KPNA1: variants seen among roughly 807,000 people sequenced by gnomAD.
KPNA1 encodes karyopherin subunit alpha 1.
KPNA1 carries 10 observed loss-of-function variants against 70.5 expected under a neutral mutation model. That is an observed-to-expected ratio of 0.14 (90% confidence interval 0.09 to 0.24). The LOEUF is 0.24. KPNA1 is among the 10% of genes least tolerant of loss of function. KPNA1 has a pLI of 1.00. For synonymous variants in KPNA1, 192 were observed against 221.9 expected (o/e 0.87, Z 1.20); for missense variants, 397 against 637.9 (o/e 0.62, Z 4.07).
chr3:122,437,035 C>T, intron 11 of KPNA1, 135 bp downstream of exon 11: 1 of 799,396 alleles, frequency 1.3e-6, no homozygotes. Context: ...GGGCCTCAGC[C>T]TCCCAGAGTG....
intron 2 of KPNA1, among the ~76,000 whole-genome samples, chr3:122,469,987 G>C (rs1394628881): frequency 1.3e-5 from 2 of 152,102 alleles, no homozygotes; most frequent in African/African-American, 4.8e-5. Context: ...ATTGTCAGTA[G>C]ACCTGCTTTG....
intron 1 of KPNA1, among the ~76,000 whole-genome samples, chr3:122,511,079 A>T (rs1003370536): frequency 1.3e-5 from 2 of 152,186 alleles, no homozygotes; most frequent in Non-Finnish European, 2.9e-5. Flanking sequence ...CACCTTGCAC[A>T]CGTAATCACC....
At chr3:122,460,126 G>A in intron 5 of KPNA1, 22 of 985,126 alleles carry the variant, frequency 2.2e-5, no homozygotes, top group Non-Finnish European at 2.5e-5. Flanking sequence ...ATAGTCTCAG[G>A]GCCCAAGCCT....
At chr3:122,480,398 T>C (rs909972754) in intron 2 of KPNA1, among the ~76,000 whole-genome samples, 1 of 151,946 alleles carries the variant, frequency 6.6e-6, no homozygotes, top group Non-Finnish European at 1.5e-5. Context: ...ATAAGAAATC[T>C]CTGTACTATC....
chr3:122,502,566 C>T (rs186887349), intron 1 of KPNA1, among the ~76,000 whole-genome samples: 1 of 152,286 alleles, frequency 6.6e-6, no homozygotes, highest in Admixed American at 6.5e-5. Context: ...CTGCTTAAGC[C>T]ACACAGTCTG....
At position 122,423,560 on chromosome 3, in the gene KPNA1, G is replaced by A. The variant is rs749820324; in HGVS notation, c.*3425C>T. 6.6e-6 allele frequency: 1 copy of A among 152,424 alleles called. No individual in the cohort carries two copies. The highest frequency in any genetic ancestry group is 6.5e-5 in the Admixed American group (1 of 15,276). The allele number at this position is 152,424 out of a possible 1,614,324, so 9.4% of individuals were successfully genotyped here. On this transcript the variant is annotated 3_prime_UTR_variant, in exon 14 of 14. Transcript: ENST00000344337. ...ATAAAAATTTTCACAAAACTAGCGA[G>A]AAAGAAAAACCCCTTGACTCCAGGA...
intron 5 of KPNA1, among the ~76,000 whole-genome samples, chr3:122,458,528 G>C (rs2076288460): frequency 6.6e-6 from 1 of 152,174 alleles, no homozygotes; most frequent in Non-Finnish European, 1.5e-5. Flanking sequence ...ATGGAATGAA[G>C]AAATTAAGTT....
chr3:122,514,454 G>A (rs1307154930), intron 1 of KPNA1: 1 of 148,670 alleles, frequency 6.7e-6, no homozygotes, highest in Non-Finnish European at 1.5e-5. Flanking sequence ...GCAGTCCCCG[G>A]CGCCGCTTAC....
intron 2 of KPNA1, among the ~76,000 whole-genome samples, chr3:122,487,921 A>T (rs938441344): frequency 6.6e-6 from 1 of 152,200 alleles, no homozygotes; most frequent in African/African-American, 2.4e-5. Context: ...ATTAATAAAA[A>T]TTTTTTAAAA....
intron 2 of KPNA1, among the ~76,000 whole-genome samples, chr3:122,483,772 A>G (rs937784910): frequency 6.6e-6 from 1 of 152,218 alleles, no homozygotes; most frequent in African/African-American, 2.4e-5. Flanking sequence ...AAGAGGTGAA[A>G]TCATTTGCTG....
chr3:122,425,413 G>T lies in KPNA1; in HGVS notation c.*1572C>A, dbSNP rs748609931. 20 of 152,614 alleles carry T rather than the reference G, an allele frequency of 1.3e-4. No homozygotes were observed. Among genetic ancestry groups the T allele is most frequent in the Non-Finnish European group, 2.2e-4 (15 of 68,012 alleles). 9.5% of individuals were successfully genotyped at this position (152,614 alleles called of 1,614,324 possible). A position where few individuals can be genotyped will look rare whatever the true frequency, so the allele number is the denominator to read the frequency against. On this transcript the variant is annotated 3_prime_UTR_variant, in exon 14 of 14. Coordinates refer to ENST00000344337, the MANE Select transcript of KPNA1 (RefSeq NM_002264.4). The stretch of plus-strand genomic sequence containing the variant: ...TCTAGAAGAGGACAAGTCTAAAAAG[G>T]TTTAAAAGGGTATGCTCTGAAACAG...
intron 2 of KPNA1, among the ~76,000 whole-genome samples, chr3:122,480,336 TG>T (rs2076556750): frequency 6.6e-6 from 1 of 151,984 alleles, no homozygotes; most frequent in African/African-American, 2.4e-5. Flanking sequence ...TATCACTCCA[TG>T]GGGGATGCTG....
At chr3:122,484,435 C>T (rs1317159914) in intron 2 of KPNA1, among the ~76,000 whole-genome samples, 1 of 151,996 alleles carries the variant, frequency 6.6e-6, no homozygotes, top group Non-Finnish European at 1.5e-5. Context: ...CCGAGGCAGG[C>T]AGATCACCTA....
At position 122,426,435 on chromosome 3, in the gene KPNA1, A is replaced by G. The variant is rs2075823657; in HGVS notation, c.*550T>C. On this transcript the variant is annotated 3_prime_UTR_variant, in exon 14 of 14. Transcript: ENST00000344337. ...CCAATAGAGGAAAGAAAACCATCCA[A>G]TCTCAGTAAGGATTAATGCAAATCT... 6.5e-6 allele frequency: 1 copy of G among 152,770 alleles called. No individual in the cohort carries two copies. Among genetic ancestry groups the G allele is most frequent in the East Asian group, 1.9e-4 (1 of 5,188 alleles). 9.5% of individuals were successfully genotyped at this position (152,770 alleles called of 1,614,324 possible). A position where few individuals can be genotyped will look rare whatever the true frequency, so the allele number is the denominator to read the frequency against.
intron 2 of KPNA1, among the ~76,000 whole-genome samples, chr3:122,468,223 C>A (rs1005872007): frequency 5.3e-5 from 8 of 152,150 alleles, no homozygotes; most frequent in African/African-American, 1.9e-4. Flanking sequence ...GCAGACAGTT[C>A]CAGGCTGCAG....
intron 1 of KPNA1, among the ~76,000 whole-genome samples, chr3:122,508,918 C>G (rs141081973): frequency 6.6e-6 from 1 of 152,082 alleles, no homozygotes; most frequent in Non-Finnish European, 1.5e-5. Context: ...AGAAAGAATA[C>G]AGCATCTATG....
At chr3:122,462,894 G>C (rs983104908) in intron 4 of KPNA1, among the ~76,000 whole-genome samples, 4 of 152,086 alleles carry the variant, frequency 2.6e-5, no homozygotes, top group Non-Finnish European at 5.9e-5. Flanking sequence ...TTGATAACAA[G>C]TATCAGATTC....
intron 6 of KPNA1, among the ~76,000 whole-genome samples, chr3:122,453,544 T>C (rs2076234601): frequency 6.6e-6 from 1 of 152,116 alleles, no homozygotes; most frequent in African/African-American, 2.4e-5. Flanking sequence ...TTGTTTGTTT[T>C]GTTTTTTTTG....
chr3:122,498,593 C>A (rs1280726950), intron 1 of KPNA1, among the ~76,000 whole-genome samples: 1 of 152,202 alleles, frequency 6.6e-6, no homozygotes, highest in African/African-American at 2.4e-5. Context: ...ACATTCAATT[C>A]TATTCCACTG....
Sources: allele counts gnomAD v4.1 joint callset (sites outside exome capture counted in the v4.1 genomes callset), GRCh38; gene constraint gnomAD v4.1.1; transcripts MANE v1.5; gene names NCBI Gene and HGNC (gene_info 2026-07-23, HGNC 2026-07-21).